The following TMCC1 variants were observed in gnomAD, a reference collection of about 807,000 sequenced individuals.
TMCC1 encodes transmembrane and coiled-coil domain family 1.
In TMCC1, 15 loss-of-function variants were observed where a neutral mutation model predicts 52.4. The ratio of observed to expected loss-of-function variants is 0.29; its 90% confidence interval spans 0.19 to 0.44. The LOEUF (loss-of-function observed/expected upper bound fraction) is 0.44. Ranked by LOEUF, TMCC1 falls within the 20% of genes least tolerant of loss-of-function variation. The pLI is 1.00. For synonymous variants in TMCC1, 279 were observed against 301.9 expected, an observed-to-expected ratio of 0.92 and a Z score of 0.79; for missense variants, 503 against 806.0, an observed-to-expected ratio of 0.62 and a Z score of 4.55.
Position 129,662,884 on chromosome 3 carries a change from C to A in TMCC1, c.1511+7446G>T, listed in dbSNP as rs368172661. 2.0e-5 allele frequency among the ~76,000 whole-genome samples: 3 copies of A among 152,146 alleles called. No individual in the cohort carries two copies. In the East Asian group the frequency reaches 5.8e-4, roughly 29 times the overall value. ...CCTGGACACTTAAATATGGCATGAGCTTAACTATCAGCAAACAGAAAGCCT... is the reference window on the plus strand; with the variant it reads ...CCTGGACACTTAAATATGGCATGAGATTAACTATCAGCAAACAGAAAGCCT... On this transcript the variant is annotated intron_variant, in intron 5 of 6. Transcript: ENST00000393238.
chr3:129,784,316 C>T (rs776892623), intron 4 of TMCC1, among the ~76,000 whole-genome samples: 3 of 152,046 alleles, frequency 2.0e-5, no homozygotes, highest in Non-Finnish European at 2.9e-5. Context: ...TGGTGGCTCG[C>T]GCCTGTAATC....
At chr3:129,890,608 C>T (rs77092835) in intron 1 of TMCC1, among the ~76,000 whole-genome samples, 3,955 of 152,248 alleles carry the variant, frequency 0.026, 78 homozygotes, top group Non-Finnish European at 0.04. Flanking sequence ...TCTATACCAT[C>T]CCCCACTCTC....
At chr3:129,716,162 C>CT (rs1402844292) in intron 4 of TMCC1, among the ~76,000 whole-genome samples, 1 of 18,918 alleles carries the variant, frequency 5.3e-5, no homozygotes, top group Non-Finnish European at 1.0e-4. Context: ...TTTCTTTTTT[C>CT]TTTGTTTTTT....
intron 2 of TMCC1, among the ~76,000 whole-genome samples, chr3:129,842,664 A>T (rs1041908332): frequency 4.6e-5 from 7 of 152,180 alleles, no homozygotes; most frequent in Admixed American, 2.0e-4. Flanking sequence ...GCCATAAAAG[A>T]AATCTTCAAG....
At chr3:129,786,827 A>G (rs2056072631) in intron 4 of TMCC1, among the ~76,000 whole-genome samples, 1 of 152,160 alleles carries the variant, frequency 6.6e-6, no homozygotes, top group Non-Finnish European at 1.5e-5. Flanking sequence ...TGTTTTCACA[A>G]AATTTTGTAT....
chr3:129,707,454 A>G (rs1216644092), intron 4 of TMCC1, among the ~76,000 whole-genome samples: 2 of 152,210 alleles, frequency 1.3e-5, no homozygotes, highest in African/African-American at 4.8e-5. Context: ...ACTAAGAAGC[A>G]ATAAATGTGG....
At chr3:129,780,743 C>T in intron 4 of TMCC1, among the ~76,000 whole-genome samples, 1 of 151,952 alleles carries the variant, frequency 6.6e-6, no homozygotes, top group Non-Finnish European at 1.5e-5. Context: ...TTCTATTAAT[C>T]CTTCCTTCTA....
At position 129,828,849 on chromosome 3, in the gene TMCC1, T is replaced by C. The variant is rs559496017; in HGVS notation, c.-130-341A>G. 2.0e-5 allele frequency among the ~76,000 whole-genome samples: 3 copies of C among 152,344 alleles called. No individual in the cohort carries two copies. The highest frequency in any genetic ancestry group is 1.9e-4 in the East Asian group (1 of 5,188). On this transcript the variant is annotated intron_variant, in intron 3 of 6. Coordinates refer to ENST00000393238, the MANE Select transcript of TMCC1 (RefSeq NM_001017395.5). The surrounding 1 kb of genome is among the most constrained non-coding windows in gnomAD (Gnocchi z 4.1). ...ATAATGGTAGTTGACAGAACAGCCATTGCTTGGGAAATCAAGAGAAGAGAC... is the reference window on the plus strand; with the variant it reads ...ATAATGGTAGTTGACAGAACAGCCACTGCTTGGGAAATCAAGAGAAGAGAC...
intron 1 of TMCC1, among the ~76,000 whole-genome samples, chr3:129,885,862 C>T (rs113326790): frequency 6.0e-5 from 9 of 150,698 alleles, no homozygotes; most frequent in African/African-American, 1.5e-4. Context: ...CCTGCCTCAG[C>T]CTCCCGAGTA....
chr3:129,857,067 C>T (rs2060174691), intron 2 of TMCC1, among the ~76,000 whole-genome samples: 2 of 152,202 alleles, frequency 1.3e-5, no homozygotes, highest in African/African-American at 4.8e-5. Flanking sequence ...TACAGGCATA[C>T]ACCACCAAAC....
chr3:129,839,600 A>T (rs2059331904), intron 2 of TMCC1, among the ~76,000 whole-genome samples: 1 of 152,180 alleles, frequency 6.6e-6, no homozygotes, highest in Non-Finnish European at 1.5e-5. Context: ...ACAAAAAAAT[A>T]GAAAAATTAG....
intron 5 of TMCC1, 134 bp downstream of exon 5, chr3:129,670,196 G>A (rs908108617): frequency 1.2e-6 from 1 of 850,472 alleles, no homozygotes; most frequent in Non-Finnish European, 1.8e-6. Context: ...AACTCATGTG[G>A]ATGTCTTATG....
At chr3:129,859,677 CACACACACAT>C (rs1274649366) in intron 2 of TMCC1, among the ~76,000 whole-genome samples, 28 of 91,802 alleles carry the variant, frequency 3.1e-4, no homozygotes, top group Admixed American at 6.8e-4. Flanking sequence ...CACACACACA[CACACACACAT>C]ACACACGTAT....
intron 4 of TMCC1, among the ~76,000 whole-genome samples, chr3:129,722,299 C>A (rs930421191): frequency 6.6e-6 from 1 of 152,200 alleles, no homozygotes; most frequent in East Asian, 1.9e-4. Flanking sequence ...ACTGCGCTTG[C>A]GAGGGATCTA....
At chr3:129,673,186 T>A (rs943283756) in intron 4 of TMCC1, among the ~76,000 whole-genome samples, 1 of 152,102 alleles carries the variant, frequency 6.6e-6, no homozygotes, top group Non-Finnish European at 1.5e-5. Context: ...AATTCATCTT[T>A]TGGTGCATGC....
chr3:129,883,737 G>A (rs2669834), intron 1 of TMCC1, among the ~76,000 whole-genome samples: 2,159 of 152,204 alleles, frequency 0.014, 54 homozygotes, highest in African/African-American at 0.049. Context: ...CCAACACTTT[G>A]GGAAGCCAAG....
intron 2 of TMCC1, among the ~76,000 whole-genome samples, chr3:129,878,476 G>GA (rs2107986804): frequency 6.6e-6 from 1 of 152,160 alleles, no homozygotes; most frequent in East Asian, 1.9e-4. Context: ...GACTCTACTT[G>GA]AAAAATATAT....
chr3:129,803,531 T>C, intron 4 of TMCC1, among the ~76,000 whole-genome samples: 1 of 152,250 alleles, frequency 6.6e-6, no homozygotes, highest in East Asian at 1.9e-4. Context: ...AAAAAAGCGA[T>C]ACTAATTGCA....
chr3:129,861,731 T>C (rs1012974272), intron 2 of TMCC1, among the ~76,000 whole-genome samples: 1 of 152,138 alleles, frequency 6.6e-6, no homozygotes, highest in Admixed American at 6.5e-5. Flanking sequence ...TAAAGAGAAG[T>C]AGAAATTAGA....
Sources: gnomAD v4.1 joint callset for allele counts (sites outside exome capture counted in the v4.1 genomes callset) on GRCh38, gnomAD v4.1.1 for gene constraint, Gnocchi (gnomAD v3.1) non-coding constraint, MANE v1.5 for transcripts, NCBI Gene and HGNC (gene_info 2026-07-23, HGNC 2026-07-21) for gene names.